The following CNTNAP2 variants were observed in gnomAD, a reference collection of about 807,000 sequenced individuals.
CNTNAP2 encodes the protein contactin associated protein 2, also known as contactin-associated protein-like 2.
In CNTNAP2, 98 loss-of-function variants were observed where a neutral mutation model predicts 155.2. The ratio of observed to expected loss-of-function variants is 0.63; its 90% confidence interval spans 0.54 to 0.75. The LOEUF is 0.75. Ranked by LOEUF, CNTNAP2 falls within the 30% of genes least tolerant of loss-of-function variation. The pLI, the probability that CNTNAP2 is intolerant of heterozygous loss-of-function variation, is 0.00. For missense variants in CNTNAP2, 1,727 were observed against 1,688.1 expected, an observed-to-expected ratio of 1.02 and a Z score of -0.40; for synonymous variants, 651 against 631.2, an observed-to-expected ratio of 1.03 and a Z score of -0.47.
chr7:146,672,464 A>T (rs1800327596), intron 1 of CNTNAP2, among the ~76,000 whole-genome samples: 1 of 152,336 alleles, frequency 6.6e-6, no homozygotes. Context: ...CCATCTCTGC[A>T]TCTGCATGCA....
chr7:147,663,473 G>A (rs73741209), intron 13 of CNTNAP2, among the ~76,000 whole-genome samples: 7,612 of 152,238 alleles, frequency 0.05, 627 homozygotes, highest in African/African-American at 0.17. Flanking sequence ...AGTAGAATTG[G>A]TCAAAGAACA....
At chr7:147,890,659 G>A (rs1347884650) in intron 13 of CNTNAP2, among the ~76,000 whole-genome samples, 4 of 152,158 alleles carry the variant, frequency 2.6e-5, no homozygotes, top group Non-Finnish European at 5.9e-5. Context: ...CTGGAACACA[G>A]AAGAACATAG....
At chr7:147,559,719 A>G (rs946631743) in intron 11 of CNTNAP2, among the ~76,000 whole-genome samples, 3 of 152,336 alleles carry the variant, frequency 2.0e-5, no homozygotes, top group African/African-American at 7.2e-5. Flanking sequence ...CTCTTGAGCT[A>G]TACATACCAA....
chr7:147,342,051 G>C (rs1331070350), intron 9 of CNTNAP2, among the ~76,000 whole-genome samples: 1 of 152,052 alleles, frequency 6.6e-6, no homozygotes, highest in Non-Finnish European at 1.5e-5. Context: ...GTTTACAGAT[G>C]GCCAGCTTCT....
intron 1 of CNTNAP2, among the ~76,000 whole-genome samples, chr7:146,425,677 C>T (rs1796076980): frequency 6.6e-6 from 1 of 152,134 alleles, no homozygotes; most frequent in South Asian, 2.1e-4. Flanking sequence ...GTAACAAAAA[C>T]TACAAGTATA....
chr7:148,229,858 T>G, intron 20 of CNTNAP2, 79 bp downstream of exon 20: 6 of 1,556,042 alleles, frequency 3.9e-6, no homozygotes, highest in Non-Finnish European at 4.4e-6. Context: ...CCATTGGTTT[T>G]GTTTTGAGGG....
intron 3 of CNTNAP2, among the ~76,000 whole-genome samples, chr7:146,846,353 T>C (rs1306537657): frequency 1.3e-5 from 2 of 151,200 alleles, no homozygotes; most frequent in East Asian, 3.9e-4. Flanking sequence ...ACAAACACTT[T>C]CTAAAATTAT....
chr7:148,411,257 T>C (rs1470744143), intron 23 of CNTNAP2, among the ~76,000 whole-genome samples: 1 of 152,144 alleles, frequency 6.6e-6, no homozygotes, highest in Non-Finnish European at 1.5e-5. Flanking sequence ...AACAAGTCCG[T>C]AACTTTTATT....
At chr7:148,369,174 T>C (rs145332204) in intron 21 of CNTNAP2, among the ~76,000 whole-genome samples, 7,269 of 143,624 alleles carry the variant, frequency 0.051, 295 homozygotes, top group Non-Finnish European at 0.082. Context: ...TAATTAAAAT[T>C]GAATCCCTTT....
intron 11 of CNTNAP2, among the ~76,000 whole-genome samples, chr7:147,550,201 G>T (rs1488088295): frequency 6.6e-6 from 1 of 152,106 alleles, no homozygotes; most frequent in Non-Finnish European, 1.5e-5. Context: ...TTTCAGTGGG[G>T]TTCTCTTTTT....
chr7:148,227,884 CGTGTGTGTGTGTGTGT>C (rs3057282), intron 19 of CNTNAP2, among the ~76,000 whole-genome samples: 211 of 131,492 alleles, frequency 1.6e-3, no homozygotes, highest in African/African-American at 4.4e-3. Context: ...AAGAGCACAG[CGTGTGTGTGTGTGTGT>C]GTGTGTGTGT....
At position 148,118,645 on chromosome 7, in the gene CNTNAP2, C is replaced by T. The variant is rs1002564809; in HGVS notation, c.2554+357C>T. On this transcript the variant is annotated intron_variant, in intron 16 of 23. Transcript: ENST00000361727. ...TAGGTGAGGGGTGTGTGCATTGACC[C>T]GAGGAGCAGGGAGTGAGGAAAATCA... is the stretch of plus-strand genomic sequence containing the variant. 7.9e-5 allele frequency among the ~76,000 whole-genome samples: 12 copies of T among 152,142 alleles called. No homozygotes were observed. The South Asian group carries it at 8.3e-4, about 11-fold the overall frequency.
intron 1 of CNTNAP2, among the ~76,000 whole-genome samples, chr7:146,490,119 G>A (rs1797117135): frequency 6.6e-6 from 1 of 152,092 alleles, no homozygotes; most frequent in African/African-American, 2.4e-5. Context: ...TTTCACTGGG[G>A]ACCTGCCCCT....
rs559439005 is a variant in CNTNAP2, at chr7:146,970,800, T to G, written c.403-73107T>G. On this transcript the variant is annotated intron_variant, in intron 3 of 23. Coordinates refer to ENST00000361727, the MANE Select transcript of CNTNAP2 (RefSeq NM_014141.6). The stretch of plus-strand genomic sequence containing the variant: ...GGCACTATTCACAAAATCAAAGACT[T>G]GGAACCAACCCAAATGTCCAACAAT... Among the ~76,000 whole-genome samples the G allele has an allele frequency of 1.7e-4, 26 of 152,224 alleles. No individual in the cohort carries two copies. The South Asian group carries it at 5.4e-3, about 32-fold the overall frequency.
chr7:148,167,250 C>T (rs1362856034), intron 17 of CNTNAP2, among the ~76,000 whole-genome samples: 1 of 152,118 alleles, frequency 6.6e-6, no homozygotes, highest in Non-Finnish European at 1.5e-5. Flanking sequence ...TGCCATTCTT[C>T]TGCCTCAGCC....
chr7:146,197,662 A>G (rs148139563), intron 1 of CNTNAP2, among the ~76,000 whole-genome samples: 87 of 152,334 alleles, frequency 5.7e-4, no homozygotes, highest in African/African-American at 2.0e-3. Context: ...CAAAATATTA[A>G]TCTTCTCTGT....
intron 1 of CNTNAP2, among the ~76,000 whole-genome samples, chr7:146,539,629 C>T (rs950533970): frequency 6.6e-6 from 1 of 151,814 alleles, no homozygotes; most frequent in Admixed American, 6.6e-5. Flanking sequence ...TTTCTTTTAA[C>T]CTGATTTCTA....
At chr7:147,473,743 CT>C (rs1317295889) in intron 10 of CNTNAP2, among the ~76,000 whole-genome samples, 1 of 152,076 alleles carries the variant, frequency 6.6e-6, no homozygotes, top group Non-Finnish European at 1.5e-5. Context: ...ATAGGTGATT[CT>C]ACATTTCTGT....
intron 1 of CNTNAP2, among the ~76,000 whole-genome samples, chr7:146,245,417 C>T (rs2116933532): frequency 6.6e-6 from 1 of 152,238 alleles, no homozygotes; most frequent in South Asian, 2.1e-4. Flanking sequence ...GTAAGTTGAG[C>T]ATAGTTTGTG....
Sources: allele counts gnomAD v4.1 joint callset (sites outside exome capture counted in the v4.1 genomes callset), GRCh38; gene constraint gnomAD v4.1.1; transcripts MANE v1.5; gene names NCBI Gene and HGNC (gene_info 2026-07-23, HGNC 2026-07-21).